Variants in EIF4G3 observed in about 807,000 individuals in gnomAD.
EIF4G3 encodes eIF-4-gamma 3.
EIF4G3 carries 34 observed loss-of-function variants against 186.4 expected under a neutral mutation model. The observed-to-expected ratio is 0.18, with a 90% confidence interval of 0.14 to 0.24. EIF4G3 has a LOEUF of 0.24. Among genes scored for constraint, EIF4G3 ranks in the 10% least tolerant of loss-of-function variants. The pLI, the probability that EIF4G3 is intolerant of heterozygous loss-of-function variation, is 1.00. For synonymous variants in EIF4G3, 673 were observed against 679.5 expected (o/e 0.99, Z 0.15); for missense variants, 1,536 against 1,948.5 (o/e 0.79, Z 3.99).
chr1:20,829,078 A>C, intron 31 of EIF4G3, 69 bp downstream of exon 31: 8 of 1,540,530 alleles, frequency 5.2e-6, no homozygotes, highest in Non-Finnish European at 7.1e-6. Flanking sequence ...GTACTATGAT[A>C]GAGAGCTAGC....
rs111604069 is a variant in EIF4G3, at chr1:20,927,306, T to C, written c.1663+14185A>G. On this transcript the variant is annotated intron_variant, in intron 14 of 36. Transcript: ENST00000602326. ...ACTCATCAAACAGGTGTGGGAGATT[T>C]GCAAAAAGATTAAAAAATAATATTA... Among the ~76,000 whole-genome samples the C allele has an allele frequency of 4.1e-3, 618 of 152,278 alleles. 7 individuals are homozygous for C. The highest frequency in any genetic ancestry group is 0.014 in the African/African-American group (579 of 41,556).
At chr1:20,883,303 G>A (rs1276441983) in intron 19 of EIF4G3, among the ~76,000 whole-genome samples, 2 of 152,088 alleles carry the variant, frequency 1.3e-5, no homozygotes, top group Non-Finnish European at 2.9e-5. Flanking sequence ...AGAGGAACTG[G>A]ATTAGTCGAG....
Position 21,136,332 on chromosome 1 carries a change from C to T in EIF4G3, c.-272+39843G>A, listed in dbSNP as rs569924430. Among the ~76,000 whole-genome samples, 28 of 152,140 alleles carry T rather than the reference C, an allele frequency of 1.8e-4. No homozygotes were observed. In the South Asian group the frequency reaches 5.8e-3, roughly 32 times the overall value. On this transcript the variant is annotated intron_variant, in intron 2 of 36. Coordinates refer to ENST00000602326, the MANE Select transcript of EIF4G3 (RefSeq NM_001391906.1). ...AGTAGTTCAAGGCCAACCTGACCAACATGGTGAAACCCCATCTCTACTAAA... is the reference window on the plus strand; with the variant it reads ...AGTAGTTCAAGGCCAACCTGACCAATATGGTGAAACCCCATCTCTACTAAA...
At chr1:20,882,427 C>CTCAATG (rs2082673760) in intron 19 of EIF4G3, among the ~76,000 whole-genome samples, 1 of 151,970 alleles carries the variant, frequency 6.6e-6, no homozygotes, top group African/African-American at 2.4e-5. Flanking sequence ...CCAGAGTAGC[C>CTCAATG]TGGTCAATGT....
intron 18 of EIF4G3, chr1:20,892,733 T>G: frequency 6.5e-7 from 1 of 1,526,764 alleles, no homozygotes; most frequent in Non-Finnish European, 8.8e-7. Flanking sequence ...TGCAAATCTG[T>G]AGAAACAAAG....
Position 20,864,539 on chromosome 1 carries a change from G to C in EIF4G3, c.2943C>G (p.Ser981=). ...TGAGCAGGCGACACAGGCACTCCAG[G>C]GATTCTTCATCATGGTTCTTTAGCA... ...VKLLKNHDEE[S]LECLCRLLTT... The change falls in exon 22 of 37, where the codon TCC becomes TCG. Residue 981 remains serine (S), a synonymous_variant. Transcript: ENST00000602326. 1 of 1,614,090 alleles carries C rather than the reference G, an allele frequency of 6.2e-7. No homozygotes were observed. Among genetic ancestry groups the C allele is most frequent in the Non-Finnish European group, 8.5e-7 (1 of 1,180,012 alleles).
chr1:20,945,181 A>G (rs763301247), intron 13 of EIF4G3, among the ~76,000 whole-genome samples: 2 of 152,136 alleles, frequency 1.3e-5, no homozygotes, highest in Non-Finnish European at 2.9e-5. Context: ...AAAGACTTCT[A>G]TTATAAAAAG....
intron 2 of EIF4G3, among the ~76,000 whole-genome samples, chr1:21,095,375 T>C (rs2101603702): frequency 6.6e-6 from 1 of 152,324 alleles, no homozygotes; most frequent in East Asian, 1.9e-4. Context: ...AGTACAGTGT[T>C]GGGTTCACAG....
In EIF4G3 at chr1:20,942,012, G is replaced by A. The variant is rs780287218; in HGVS notation, c.1142C>T (p.Pro381Leu). Residue 381 changes from proline to leucine, a missense_variant, in exon 14 of 37, where the codon CCT (proline) becomes CTT (leucine). Transcript: ENST00000602326. Reference protein sequence around the residue: ...SLTSCTETSDPLPTNENDDDI... With the variant: ...SLTSCTETSDLLPTNENDDDI... ...ATCATCATTTTCATTTGTTGGTAAA[G>A]GGTCTGATGTTTCTGTGCAAGATGT... is the stretch of plus-strand genomic sequence containing the variant. 50 of 1,614,056 alleles carry A rather than the reference G, an allele frequency of 3.1e-5. No homozygotes were observed. Among genetic ancestry groups the A allele is most frequent in the Non-Finnish European group, 3.8e-5 (45 of 1,180,036 alleles).
chr1:20,992,385 C>T (rs944860487), intron 7 of EIF4G3, among the ~76,000 whole-genome samples: 1 of 152,050 alleles, frequency 6.6e-6, no homozygotes, highest in African/African-American at 2.4e-5. Flanking sequence ...AGTAAAGAAA[C>T]CTTTAGGGAT....
intron 3 of EIF4G3, chr1:21,073,675 G>A (rs2095506162): frequency 1.2e-5 from 6 of 518,144 alleles, no homozygotes; most frequent in South Asian, 4.2e-5. Flanking sequence ...TTGGTATAAA[G>A]GTCGACAATT....
chr1:21,086,636 G>C (rs2095989643), intron 3 of EIF4G3, among the ~76,000 whole-genome samples: 1 of 151,866 alleles, frequency 6.6e-6, no homozygotes, highest in Admixed American at 6.6e-5. Flanking sequence ...TCTTAATCTG[G>C]AGCTTAGAAA....
At chr1:21,128,134 G>T (rs556210889) in intron 2 of EIF4G3, among the ~76,000 whole-genome samples, 1 of 151,874 alleles carries the variant, frequency 6.6e-6, no homozygotes, top group Non-Finnish European at 1.5e-5. Flanking sequence ...GTGAACCTGG[G>T]AGGTGGAGCT....
chr1:21,152,484 C>T (rs576076015), intron 2 of EIF4G3, among the ~76,000 whole-genome samples: 1 of 151,674 alleles, frequency 6.6e-6, no homozygotes, highest in South Asian at 2.1e-4. Context: ...TAAAACGCCC[C>T]CTTACAGGGC....
At chr1:20,901,896 C>CAGA (rs1244084275) in intron 15 of EIF4G3, among the ~76,000 whole-genome samples, 1 of 152,040 alleles carries the variant, frequency 6.6e-6, no homozygotes, top group Non-Finnish European at 1.5e-5. Flanking sequence ...ATTCACTTGA[C>CAGA]AGAACTCTGT....
At chr1:21,024,128 G>C (rs1302816285) in intron 4 of EIF4G3, among the ~76,000 whole-genome samples, 2 of 151,668 alleles carry the variant, frequency 1.3e-5, no homozygotes, top group South Asian at 4.2e-4. Context: ...GAAGTGAGGA[G>C]CGTCTCCGCC....
intron 2 of EIF4G3, among the ~76,000 whole-genome samples, chr1:21,156,139 A>AAC (rs1553310332): frequency 1.7e-4 from 25 of 149,382 alleles, no homozygotes; most frequent in African/African-American, 6.1e-4. Flanking sequence ...AAAAAAAAAA[A>AAC]AACAACAAAA....
intron 2 of EIF4G3, among the ~76,000 whole-genome samples, chr1:21,132,614 T>C (rs1273181090): frequency 6.6e-6 from 1 of 151,978 alleles, no homozygotes; most frequent in Non-Finnish European, 1.5e-5. Context: ...ATATTTTTTA[T>C]TTTTTTGTAG....
At chr1:21,047,574 C>T (rs1402508130) in intron 4 of EIF4G3, among the ~76,000 whole-genome samples, 1 of 152,172 alleles carries the variant, frequency 6.6e-6, no homozygotes, top group East Asian at 1.9e-4. Context: ...GCCCATTCCC[C>T]ACCCTGCTTC....
Sources: gnomAD v4.1 joint callset for allele counts (sites outside exome capture counted in the v4.1 genomes callset) on GRCh38, gnomAD v4.1.1 for gene constraint, MANE v1.5 for transcripts, NCBI Gene and HGNC (gene_info 2026-07-23, HGNC 2026-07-21) for gene names.